Variants in ADAM23 observed in about 807,000 individuals in gnomAD.
The protein encoded by ADAM23 is ADAM metallopeptidase domain 23.
A neutral mutation model predicts 120.1 loss-of-function variants in ADAM23; 33 were observed. That is an observed-to-expected ratio of 0.27 (90% CI 0.21 to 0.37). ADAM23 has a LOEUF of 0.37. ADAM23 is among the 10% of genes least tolerant of loss of function. The pLI, the probability that ADAM23 is intolerant of heterozygous loss-of-function variation, is 1.00. For missense variants in ADAM23, 862 were observed against 1,058.2 expected (o/e 0.81, Z 2.57); for synonymous variants, 367 against 375.2 (o/e 0.98, Z 0.25).
At chr2:206,558,612 A>G (rs1010074139) in intron 10 of ADAM23, among the ~76,000 whole-genome samples, 17 of 152,172 alleles carry the variant, frequency 1.1e-4, no homozygotes, top group Non-Finnish European at 1.5e-4. Context: ...GCTCTTGTTT[A>G]TCTTCTCAGA....
intron 24 of ADAM23, among the ~76,000 whole-genome samples, chr2:206,597,337 G>T (rs1479758617): frequency 6.6e-6 from 1 of 150,952 alleles, no homozygotes; most frequent in Non-Finnish European, 1.5e-5. Flanking sequence ...CTGCCACTGC[G>T]CCTGGCTAAT....
Position 206,484,385 on chromosome 2 carries a change from A to G in ADAM23, c.509+3077A>G, listed in dbSNP as rs144067228. On this transcript the variant is annotated intron_variant, in intron 3 of 25. Transcript: ENST00000264377. ...CAACCTTCATTAGAAATCATGTGCT[A>G]TGTGTTAGTCTTTGTGTATTTCTTT... Among the ~76,000 whole-genome samples the G allele has an allele frequency of 3.0e-3, 452 of 152,202 alleles. 3 individuals carry two copies. Among genetic ancestry groups the G allele is most frequent in the African/African-American group, 0.01 (430 of 41,522 alleles).
intron 3 of ADAM23, among the ~76,000 whole-genome samples, chr2:206,494,968 G>C (rs954224810): frequency 3.9e-5 from 6 of 151,986 alleles, no homozygotes; most frequent in African/African-American, 1.5e-4. Flanking sequence ...AAAAAGAAAC[G>C]AACAAAGCCT....
At chr2:206,558,294 AT>A (rs1190891398) in intron 10 of ADAM23, among the ~76,000 whole-genome samples, 3 of 152,218 alleles carry the variant, frequency 2.0e-5, no homozygotes, top group Non-Finnish European at 4.4e-5. Flanking sequence ...TTAGCTAAAT[AT>A]ATTTTTATCG....
intron 16 of ADAM23, among the ~76,000 whole-genome samples, chr2:206,571,038 A>C (rs1336891218): frequency 6.6e-6 from 1 of 152,214 alleles, no homozygotes; most frequent in African/African-American, 2.4e-5. Flanking sequence ...ACCTCTTAAA[A>C]ATTTGTAGCT....
rs570657357 is a variant in ADAM23 at position 206,495,149 on chromosome 2, C to T, written c.509+13841C>T. On this transcript the variant is annotated intron_variant, in intron 3 of 25. Coordinates refer to ENST00000264377, the MANE Select transcript of ADAM23 (RefSeq NM_003812.4). ...ATTCAAATTCAGGAAAAATAGAGAA[C>T]GCCACAAAGATACTCCTCGAGAAGA... 1.2e-3 allele frequency among the ~76,000 whole-genome samples: 182 copies of T among 152,164 alleles called. 2 individuals carry two copies. Among genetic ancestry groups the T allele is most frequent in the African/African-American group, 4.0e-3 (166 of 41,502 alleles).
intron 3 of ADAM23, among the ~76,000 whole-genome samples, chr2:206,496,603 A>G (rs1314978741): frequency 1.3e-5 from 2 of 152,236 alleles, no homozygotes; most frequent in African/African-American, 4.8e-5. Flanking sequence ...TAGAGAAGCA[A>G]GAGCATACAC....
At chr2:206,583,916 G>A (rs1024492724) in intron 18 of ADAM23, among the ~76,000 whole-genome samples, 1 of 152,032 alleles carries the variant, frequency 6.6e-6, no homozygotes, top group African/African-American at 2.4e-5. Flanking sequence ...TGATTTTTTG[G>A]GGGGTGTTGA....
intron 24 of ADAM23, chr2:206,606,001 G>T (rs1045917747): frequency 3.2e-5 from 18 of 567,394 alleles, no homozygotes; most frequent in Admixed American, 3.5e-5. Flanking sequence ...GCACCTTGTG[G>T]TGTGACTTGG....
intron 18 of ADAM23, among the ~76,000 whole-genome samples, chr2:206,582,278 C>CT (rs1311320655): frequency 6.6e-6 from 1 of 152,128 alleles, no homozygotes; most frequent in Non-Finnish European, 1.5e-5. Flanking sequence ...TGGACAAGGC[C>CT]TTTTACCATT....
chr2:206,477,976 T>G (rs1214408890), intron 2 of ADAM23, among the ~76,000 whole-genome samples: 1 of 148,694 alleles, frequency 6.7e-6, no homozygotes, highest in African/African-American at 2.5e-5. Context: ...TTTGAAAACA[T>G]TTAAAATGGG....
chr2:206,477,820 C>G (rs1695802947), intron 2 of ADAM23, among the ~76,000 whole-genome samples: 1 of 146,764 alleles, frequency 6.8e-6, no homozygotes, highest in South Asian at 2.1e-4. Context: ...AGACTTTGTA[C>G]TCATCCCAGC....
chr2:206,580,012 C>T (rs1698192297), intron 18 of ADAM23, among the ~76,000 whole-genome samples: 2 of 151,516 alleles, frequency 1.3e-5, no homozygotes, highest in African/African-American at 4.9e-5. Flanking sequence ...ATTTGATTCT[C>T]TGATTGATCG....
At chr2:206,459,407 A>T (rs748661030) in intron 2 of ADAM23, among the ~76,000 whole-genome samples, 3 of 152,212 alleles carry the variant, frequency 2.0e-5, no homozygotes, top group Non-Finnish European at 4.4e-5. Context: ...AATGCATTTT[A>T]GGATTGTTAC....
At chr2:206,540,394 C>T (rs1012962673) in intron 4 of ADAM23, among the ~76,000 whole-genome samples, 6 of 151,974 alleles carry the variant, frequency 3.9e-5, no homozygotes, top group Non-Finnish European at 8.8e-5. Flanking sequence ...TCCACAGGGC[C>T]GACTGTGAGA....
At chr2:206,521,649 A>G (rs764690997) in intron 3 of ADAM23, among the ~76,000 whole-genome samples, 3 of 152,202 alleles carry the variant, frequency 2.0e-5, no homozygotes, top group Non-Finnish European at 4.4e-5. Flanking sequence ...ATACTTCTAA[A>G]AAGTTGCCAA....
intron 18 of ADAM23, among the ~76,000 whole-genome samples, chr2:206,576,965 A>T (rs1317420559): frequency 6.6e-6 from 1 of 152,208 alleles, no homozygotes; most frequent in Non-Finnish European, 1.5e-5. Flanking sequence ...CTATTGCACT[A>T]TTGAAGCCTG....
At chr2:206,535,999 A>G (rs1403714036) in intron 4 of ADAM23, among the ~76,000 whole-genome samples, 1 of 152,222 alleles carries the variant, frequency 6.6e-6, no homozygotes. Context: ...CAACAACAAT[A>G]AAAAACCCAG....
chr2:206,547,575 G>T (rs1159736767), intron 7 of ADAM23, 74 bp downstream of exon 7: 7 of 1,300,390 alleles, frequency 5.4e-6, no homozygotes, highest in Non-Finnish European at 7.6e-6. Context: ...CAGTAGATAT[G>T]CAGGCTTGTT....
Sources: gnomAD v4.1 joint callset for allele counts (sites outside exome capture counted in the v4.1 genomes callset) on GRCh38, gnomAD v4.1.1 for gene constraint, MANE v1.5 for transcripts, NCBI Gene and HGNC (gene_info 2026-07-23, HGNC 2026-07-21) for gene names.